FMN2: variants seen among roughly 807,000 people sequenced by gnomAD.
FMN2 encodes the protein formin 2.
In FMN2, 51 loss-of-function variants were observed where a neutral mutation model predicts 142.3. The ratio of observed to expected loss-of-function variants is 0.36; its 90% confidence interval spans 0.29 to 0.45. FMN2 has a LOEUF of 0.45. Ranked by LOEUF, FMN2 falls within the 20% of genes least tolerant of loss-of-function variation. The pLI, the probability that FMN2 is intolerant of heterozygous loss-of-function variation, is 1.00. For synonymous variants in FMN2, 882 were observed against 869.8 expected, an observed-to-expected ratio of 1.01 and a Z score of -0.25; for missense variants, 1,936 against 2,122.8, an observed-to-expected ratio of 0.91 and a Z score of 1.73.
At chr1:240,250,495 T>G (rs1668240912) in intron 6 of FMN2, among the ~76,000 whole-genome samples, 1 of 152,218 alleles carries the variant, frequency 6.6e-6, no homozygotes, top group Non-Finnish European at 1.5e-5. Context: ...GTTAGTGTTT[T>G]GTTAAGGATT....
chr1:240,472,177 C>CTAGATAAAT (rs1370135051), intron 16 of FMN2, 195 bp from the exon 17 acceptor site: 3 of 518,150 alleles, frequency 5.8e-6, no homozygotes, highest in Admixed American at 4.0e-5. Flanking sequence ...TTAAGAACTC[C>CTAGATAAAT]TAGATAAATT....
chr1:240,395,317 T>A (rs181421976), intron 15 of FMN2, among the ~76,000 whole-genome samples: 60 of 152,330 alleles, frequency 3.9e-4, no homozygotes, highest in African/African-American at 1.3e-3. Context: ...ACAAAGAGAA[T>A]CACGTTTCGA....
chr1:240,196,730 C>T (rs1665925389), intron 4 of FMN2, among the ~76,000 whole-genome samples: 1 of 152,112 alleles, frequency 6.6e-6, no homozygotes, highest in African/African-American at 2.4e-5. Flanking sequence ...CCAGGCTGGT[C>T]TCAAACTCCT....
chr1:240,244,047 G>T (rs1449786860), intron 6 of FMN2, among the ~76,000 whole-genome samples: 2 of 152,140 alleles, frequency 1.3e-5, no homozygotes, highest in Non-Finnish European at 2.9e-5. Flanking sequence ...ACATTCTGAG[G>T]TTCTGCTTTG....
chr1:240,400,061 G>A (rs548678247), intron 15 of FMN2, among the ~76,000 whole-genome samples: 2 of 152,282 alleles, frequency 1.3e-5, no homozygotes, highest in South Asian at 4.1e-4. Context: ...AGTTGAGAGG[G>A]CGTTCGCAGC....
intron 15 of FMN2, among the ~76,000 whole-genome samples, chr1:240,420,601 A>T (rs560212929): frequency 6.6e-6 from 1 of 152,350 alleles, no homozygotes; most frequent in East Asian, 1.9e-4. Context: ...TGTTCACACC[A>T]GGACATTTTT....
intron 7 of FMN2, among the ~76,000 whole-genome samples, chr1:240,277,251 G>A (rs2102931504): frequency 6.6e-6 from 1 of 152,222 alleles, no homozygotes; most frequent in Middle Eastern, 3.4e-3. Flanking sequence ...AATACAGATT[G>A]AGTTATTGAT....
At chr1:240,342,127 G>T (rs1223528092) in intron 13 of FMN2, among the ~76,000 whole-genome samples, 2 of 152,022 alleles carry the variant, frequency 1.3e-5, no homozygotes, top group African/African-American at 4.8e-5. Context: ...ATTAACTTTG[G>T]CTTCTCTACT....
chr1:240,221,977 A>G (rs1228797003), intron 6 of FMN2, among the ~76,000 whole-genome samples: 1 of 148,994 alleles, frequency 6.7e-6, no homozygotes, highest in Non-Finnish European at 1.5e-5. Context: ...CTTCCCAAGT[A>G]GCTGGGATTA....
At chr1:240,202,188 G>A (rs1666151476) in intron 4 of FMN2, among the ~76,000 whole-genome samples, 1 of 152,178 alleles carries the variant, frequency 6.6e-6, no homozygotes, top group Non-Finnish European at 1.5e-5. Flanking sequence ...GGAGGATGGA[G>A]ATTGCGAGAG....
At chr1:240,228,667 A>G (rs2103438534) in intron 6 of FMN2, among the ~76,000 whole-genome samples, 1 of 152,244 alleles carries the variant, frequency 6.6e-6, no homozygotes, top group African/African-American at 2.4e-5. Flanking sequence ...GCTAGTAAGT[A>G]TTTTTTATGA....
At chr1:240,368,096 A>C (rs1314700121) in intron 14 of FMN2, among the ~76,000 whole-genome samples, 1 of 152,060 alleles carries the variant, frequency 6.6e-6, no homozygotes, top group Non-Finnish European at 1.5e-5. Context: ...GCCTATTTCC[A>C]TTATTTATCC....
At chr1:240,187,361 G>A (rs758267565) in intron 3 of FMN2, among the ~76,000 whole-genome samples, 11 of 151,672 alleles carry the variant, frequency 7.3e-5, no homozygotes, top group Non-Finnish European at 1.0e-4. Flanking sequence ...CTGCATGCCA[G>A]TCAGGGGTGC....
At chr1:240,402,818 AAAT>A (rs1165206572) in intron 15 of FMN2, among the ~76,000 whole-genome samples, 3 of 152,242 alleles carry the variant, frequency 2.0e-5, no homozygotes, top group Admixed American at 6.5e-5. Flanking sequence ...TAAATTTAAA[AAAT>A]AATGAGACTG....
chr1:240,209,835 C>T (rs1414881061), intron 5 of FMN2, among the ~76,000 whole-genome samples: 5 of 151,626 alleles, frequency 3.3e-5, no homozygotes, highest in South Asian at 4.2e-4. Flanking sequence ...ACCCGGGAGG[C>T]GGAGCTTGCA....
intron 6 of FMN2, among the ~76,000 whole-genome samples, chr1:240,211,941 A>C (rs761952298): frequency 1.3e-5 from 2 of 152,160 alleles, no homozygotes; most frequent in East Asian, 3.9e-4. Flanking sequence ...CATGATAATG[A>C]ACTCCAGATA....
chr1:240,412,566 G>C (rs1163519599), intron 15 of FMN2, among the ~76,000 whole-genome samples: 2 of 152,048 alleles, frequency 1.3e-5, no homozygotes, highest in Non-Finnish European at 2.9e-5. Flanking sequence ...CAAAACACAA[G>C]AAAATGATGA....
chr1:240,207,118 G>GC lies in FMN2; in HGVS notation c.2312dup (p.Gly772TrpfsTer3). 1 of 1,614,096 alleles carries GC rather than the reference G, an allele frequency of 6.2e-7. No individual in the cohort carries two copies. Among genetic ancestry groups the GC allele is most frequent in the Non-Finnish European group, 8.5e-7 (1 of 1,179,988 alleles). On this transcript the variant is annotated frameshift_variant, in exon 5 of 18. Transcript: ENST00000319653. LOFTEE classifies it high-confidence loss of function. ...GATGGGCTGCCAGGGCGTCCTCCAT[G>GC]CCCCCCTGGGGCTGAAAGTGGACCT... is the stretch of plus-strand genomic sequence containing the variant.
At chr1:240,472,088 G>T in intron 16 of FMN2, 1 of 284,926 alleles carries the variant, frequency 3.5e-6, no homozygotes, top group South Asian at 6.8e-5. Flanking sequence ...TTTTATATAG[G>T]ATGAAATGCA....
Sources: gnomAD v4.1 joint callset for allele counts (sites outside exome capture counted in the v4.1 genomes callset) on GRCh38, gnomAD v4.1.1 for gene constraint, MANE v1.5 for transcripts, NCBI Gene and HGNC (gene_info 2026-07-23, HGNC 2026-07-21) for gene names.